KHDRBS2: variants seen among roughly 807,000 people sequenced by gnomAD.
KHDRBS2 encodes KH domain-containing, RNA-binding, signal transduction-associated protein 2.
Under a neutral mutation model 44.3 loss-of-function variants are expected in KHDRBS2, and 26 were observed. The ratio of observed to expected loss-of-function variants is 0.59; its 90% CI spans 0.43 to 0.81. The LOEUF (loss-of-function observed/expected upper bound fraction) is 0.81, where lower values mean the gene tolerates loss of function less well. Among genes scored for constraint, KHDRBS2 ranks in the 40% least tolerant of loss-of-function variants. The pLI is 0.00. For synonymous variants in KHDRBS2, 194 were observed against 151.1 expected (o/e 1.28, Z -2.08); for missense variants, 476 against 433.1 (o/e 1.10, Z -0.88).
chr6:62,114,451 A>G (rs1308111370), intron 2 of KHDRBS2, among the ~76,000 whole-genome samples: 1 of 152,084 alleles, frequency 6.6e-6, no homozygotes, highest in African/African-American at 2.4e-5. Flanking sequence ...CTGAGCCTAT[A>G]TTTTTCTTAT....
At chr6:61,797,174 G>C (rs897131082) in intron 6 of KHDRBS2, among the ~76,000 whole-genome samples, 1 of 152,032 alleles carries the variant, frequency 6.6e-6, no homozygotes, top group African/African-American at 2.4e-5. Flanking sequence ...GGAGGAAAGC[G>C]GAGGTTCTGT....
At chr6:61,832,560 C>G (rs1791994957) in intron 6 of KHDRBS2, among the ~76,000 whole-genome samples, 1 of 151,772 alleles carries the variant, frequency 6.6e-6, no homozygotes, top group Non-Finnish European at 1.5e-5. Context: ...AAATACTTAA[C>G]TAAAATGATT....
At chr6:62,188,610 G>C (rs1823943692) in intron 1 of KHDRBS2, among the ~76,000 whole-genome samples, 1 of 152,170 alleles carries the variant, frequency 6.6e-6, no homozygotes, top group Admixed American at 6.5e-5. Flanking sequence ...GGAAATAAAT[G>C]CATGAAGATC....
At position 61,718,495 on chromosome 6, in the gene KHDRBS2, T is replaced by C. The variant is rs1433496115; in HGVS notation, c.893+14187A>G. 2.0e-5 allele frequency among the ~76,000 whole-genome samples: 3 copies of C among 152,140 alleles called. No homozygotes were observed. The East Asian group carries it at 5.8e-4, about 29-fold the overall frequency. The stretch of plus-strand genomic sequence containing the variant: ...GGATCTTTTCAATTTGCTGTCCCAC[T>C]TTCTTTCTTGCCTCCATCCTGTTCT... On this transcript the variant is annotated intron_variant, in intron 7 of 8. Coordinates refer to ENST00000281156, the MANE Select transcript of KHDRBS2 (RefSeq NM_152688.4).
chr6:61,675,005 C>T (rs1325631649), downstream of KHDRBS2, among the ~76,000 whole-genome samples: 2 of 151,608 alleles, frequency 1.3e-5, no homozygotes, highest in Non-Finnish European at 1.5e-5. Flanking sequence ...TTGGGATGTC[C>T]ACCACCTTAA....
intron 4 of KHDRBS2, among the ~76,000 whole-genome samples, chr6:61,933,687 G>T (rs1002331264): frequency 6.6e-6 from 1 of 152,026 alleles, no homozygotes; most frequent in South Asian, 2.1e-4. Context: ...GCAACACAAT[G>T]GTAAGTATTT....
At chr6:61,611,163 A>G in the KHDRBS2 span, among the ~76,000 whole-genome samples, 1 of 152,242 alleles carries the variant, frequency 6.6e-6, no homozygotes, top group East Asian at 1.9e-4. Context: ...TAAACCCTGT[A>G]TAAAATCAAG....
At chr6:61,940,000 A>T (rs1240879907) in intron 4 of KHDRBS2, among the ~76,000 whole-genome samples, 2 of 152,138 alleles carry the variant, frequency 1.3e-5, no homozygotes, top group African/African-American at 4.8e-5. Context: ...GCCATAAATG[A>T]TGCTGCTCAT....
Position 61,682,045 on chromosome 6 carries a change from A to ATAAT in KHDRBS2, c.953-989_953-986dup, listed in dbSNP as rs1582135765. ...GGTTACTAGAGACGCATAGATATTG[A>ATAAT]TAATTGATATATAAAAAAATGGAAA... On this transcript the variant is annotated intron_variant, in intron 8 of 8. Transcript: ENST00000281156. Among the ~76,000 whole-genome samples the ATAAT allele has an allele frequency of 5.3e-5, 8 of 152,022 alleles. No homozygotes were observed. The East Asian group carries it at 1.6e-3, about 30-fold the overall frequency.
intron 7 of KHDRBS2, among the ~76,000 whole-genome samples, chr6:61,722,444 G>A (rs1328418629): frequency 7.2e-5 from 11 of 152,216 alleles, no homozygotes; most frequent in South Asian, 6.2e-4. Context: ...AATCTCTACT[G>A]AGGATGATAT....
intron 1 of KHDRBS2, among the ~76,000 whole-genome samples, chr6:62,266,424 T>C (rs1358459516): frequency 6.6e-6 from 1 of 152,004 alleles, no homozygotes; most frequent in Non-Finnish European, 1.5e-5. Context: ...CTGATGAAAT[T>C]CAAGTAAATA....
intron 1 of KHDRBS2, among the ~76,000 whole-genome samples, chr6:62,238,888 C>A (rs1293680117): frequency 2.0e-5 from 3 of 152,016 alleles, no homozygotes; most frequent in African/African-American, 7.2e-5. Flanking sequence ...AGATTTATGG[C>A]TTATCTATAA....
the KHDRBS2 span, among the ~76,000 whole-genome samples, chr6:61,636,451 G>A: frequency 6.6e-6 from 1 of 151,922 alleles, no homozygotes; most frequent in Non-Finnish European, 1.5e-5. Context: ...TACCTTTATG[G>A]ACTTCCCTTG....
the KHDRBS2 span, among the ~76,000 whole-genome samples, chr6:61,666,877 A>T: frequency 1.3e-5 from 2 of 151,312 alleles, no homozygotes; most frequent in Non-Finnish European, 3.0e-5. Context: ...AATCCTCCAG[A>T]TGGCTACACT....
At chr6:61,718,218 T>TA (rs1771763225) in intron 7 of KHDRBS2, among the ~76,000 whole-genome samples, 1 of 152,080 alleles carries the variant, frequency 6.6e-6, no homozygotes. Flanking sequence ...TCCCATCCTA[T>TA]AGGCTCTGAC....
intron 2 of KHDRBS2, among the ~76,000 whole-genome samples, chr6:62,107,488 G>A (rs570780046): frequency 2.5e-4 from 38 of 152,264 alleles, no homozygotes; most frequent in Admixed American, 1.7e-3. Context: ...TGGGTAGGAA[G>A]AATCAATATC....
intron 6 of KHDRBS2, among the ~76,000 whole-genome samples, chr6:61,818,923 T>C (rs1789433372): frequency 6.6e-6 from 1 of 151,970 alleles, no homozygotes; most frequent in Non-Finnish European, 1.5e-5. Flanking sequence ...TCAAAGAAAA[T>C]ATACATTCTT....
At chr6:61,872,317 G>T (rs1205060131) in intron 6 of KHDRBS2, among the ~76,000 whole-genome samples, 1 of 152,026 alleles carries the variant, frequency 6.6e-6, no homozygotes, top group Non-Finnish European at 1.5e-5. Flanking sequence ...TAGTGCATGT[G>T]AATCCAAATT....
At chr6:62,193,192 TTA>T (rs960605434) in intron 1 of KHDRBS2, among the ~76,000 whole-genome samples, 2 of 152,078 alleles carry the variant, frequency 1.3e-5, no homozygotes, top group African/African-American at 4.8e-5. Context: ...ACATTTATAT[TTA>T]TATATGTTTT....
Sources: gnomAD v4.1 joint callset for allele counts (sites outside exome capture counted in the v4.1 genomes callset) on GRCh38, gnomAD v4.1.1 for gene constraint, MANE v1.5 for transcripts, NCBI Gene and HGNC (gene_info 2026-07-23, HGNC 2026-07-21) for gene names.